PPP1R12B: variants seen among roughly 807,000 people sequenced by gnomAD.
PPP1R12B encodes the protein protein phosphatase 1 regulatory subunit 12B.
Under a neutral mutation model 126.1 loss-of-function variants are expected in PPP1R12B, and 76 were observed. The observed-to-expected ratio is 0.60, with a 90% CI of 0.50 to 0.73. The LOEUF is 0.73. PPP1R12B is among the 30% of genes least tolerant of loss of function. The pLI, the probability that PPP1R12B is intolerant of heterozygous loss-of-function variation, is 0.00. For synonymous variants in PPP1R12B, 356 were observed against 434.7 expected (o/e 0.82, Z 2.25); for missense variants, 1,052 against 1,205.1 (o/e 0.87, Z 1.88).
rs571242990 is a variant in PPP1R12B, at chr1:202,438,327, C to T, written c.1458+303C>T. On this transcript the variant is annotated intron_variant, in intron 10 of 23. Transcript: ENST00000608999. ...CAGCAACATAAAAATTTCAGTATGG[C>T]GGAGGGGGGCACAGGACCCCAGGTA... 1.7e-4 allele frequency: 217 copies of T among 1,296,654 alleles called. No individual in the cohort carries two copies. In the Admixed American group the frequency reaches 3.5e-3, roughly 21 times the overall value. The allele number at this position is 1,296,654 out of a possible 1,614,324, so 80.3% of individuals were successfully genotyped here. A position where few individuals can be genotyped will look rare whatever the true frequency, so the allele number is the denominator to read the frequency against.
At chr1:202,350,632 T>C (rs2148358616) in intron 1 of PPP1R12B, among the ~76,000 whole-genome samples, 1 of 152,050 alleles carries the variant, frequency 6.6e-6, no homozygotes, top group African/African-American at 2.4e-5. Context: ...TTTCTTTTTT[T>C]TTTTTTGATT....
intron 1 of PPP1R12B, among the ~76,000 whole-genome samples, chr1:202,357,982 T>C (rs779836260): frequency 6.6e-6 from 1 of 152,140 alleles, no homozygotes; most frequent in Admixed American, 6.5e-5. Flanking sequence ...TTGAGGAGTG[T>C]CAGGGGAGTA....
At position 202,440,718 on chromosome 1, in the gene PPP1R12B, A is replaced by G. The variant is rs201801874; in HGVS notation, c.1471A>G (p.Lys491Glu). 508 of 1,613,218 alleles carry G rather than the reference A, an allele frequency of 3.1e-4. 8 individuals are homozygous for G. In the South Asian group the frequency reaches 4.7e-3, roughly 15 times the overall value. The change falls in exon 11 of 24, where the codon AAA (lysine) becomes GAA (glutamate). Residue 491 changes from lysine (K) to glutamate (E), a missense_variant. By Grantham distance (56) the Lys-to-Glu change is moderately conservative. Coordinates refer to ENST00000608999, the MANE Select transcript of PPP1R12B (RefSeq NM_002481.4). ...TTTTATTTTACAGGAGAGAGAAAAC[A>G]AAAGCTATATTAGTTCACTAGCACC... is the stretch of plus-strand genomic sequence containing the variant. ...LDNKDKERENKSYISSLAPRK... is the reference protein window; with the variant it reads ...LDNKDKERENESYISSLAPRK...
chr1:202,564,578 A>G, intron 21 of PPP1R12B, 31 bp downstream of exon 21: 1 of 1,555,126 alleles, frequency 6.4e-7, no homozygotes, highest in East Asian at 2.2e-5. Context: ...AAAAGATGAG[A>G]ACCAAGGGTT....
intron 13 of PPP1R12B, among the ~76,000 whole-genome samples, chr1:202,452,726 T>C (rs1338309797): frequency 2.6e-5 from 4 of 152,222 alleles, no homozygotes; most frequent in African/African-American, 7.2e-5. Flanking sequence ...TCAGTTCTAA[T>C]AGTTTTTTTG....
intron 1 of PPP1R12B, among the ~76,000 whole-genome samples, chr1:202,356,262 G>A (rs1009227489): frequency 1.3e-5 from 2 of 152,116 alleles, no homozygotes; most frequent in African/African-American, 4.8e-5. Context: ...TCCTATCTAT[G>A]CTCCAGTTTT....
intron 18 of PPP1R12B, among the ~76,000 whole-genome samples, chr1:202,542,107 T>A (rs1238865832): frequency 2.6e-5 from 4 of 152,234 alleles, no homozygotes; most frequent in Non-Finnish European, 5.9e-5. Flanking sequence ...CAAGACTCAT[T>A]TGGTGGCTGC....
intron 1 of PPP1R12B, among the ~76,000 whole-genome samples, chr1:202,360,011 T>C (rs1327144203): frequency 6.6e-6 from 1 of 152,092 alleles, no homozygotes; most frequent in African/African-American, 2.4e-5. Context: ...TTCCTCCTCA[T>C]TTTTTTTCTC....
intron 18 of PPP1R12B, among the ~76,000 whole-genome samples, chr1:202,505,774 T>A (rs1680738834): frequency 6.6e-6 from 1 of 152,204 alleles, no homozygotes; most frequent in Non-Finnish European, 1.5e-5. Context: ...ATCTATTTTT[T>A]AAGCAAGCCT....
chr1:202,531,331 A>T (rs1214045744), intron 18 of PPP1R12B, among the ~76,000 whole-genome samples: 1 of 152,206 alleles, frequency 6.6e-6, no homozygotes, highest in East Asian at 1.9e-4. Flanking sequence ...TTTGTTTAGT[A>T]TGAGATCAAA....
At chr1:202,438,539 G>T in intron 10 of PPP1R12B, 1 of 420,882 alleles carries the variant, frequency 2.4e-6, no homozygotes. Flanking sequence ...CCCCCGCTGG[G>T]CATGGGACAG....
At chr1:202,463,395 T>A (rs191803688) in intron 13 of PPP1R12B, among the ~76,000 whole-genome samples, 1 of 152,328 alleles carries the variant, frequency 6.6e-6, no homozygotes, top group East Asian at 1.9e-4. Flanking sequence ...GAATTGGCAC[T>A]GTTATTCTTA....
chr1:202,479,130 G>A (rs1677036168), intron 13 of PPP1R12B, among the ~76,000 whole-genome samples: 1 of 152,128 alleles, frequency 6.6e-6, no homozygotes, highest in Non-Finnish European at 1.5e-5. Flanking sequence ...TTCACTCAGA[G>A]GCGAGGAATA....
At chr1:202,370,629 C>T (rs1190192959) in intron 1 of PPP1R12B, among the ~76,000 whole-genome samples, 3 of 152,024 alleles carry the variant, frequency 2.0e-5, no homozygotes, top group Non-Finnish European at 4.4e-5. Context: ...CTCCGCCTCC[C>T]GGGTTCAAGC....
At chr1:202,423,072 T>C (rs1328564192) in intron 3 of PPP1R12B, among the ~76,000 whole-genome samples, 1 of 152,182 alleles carries the variant, frequency 6.6e-6, no homozygotes, top group African/African-American at 2.4e-5. Flanking sequence ...AATTTGAGAA[T>C]TGGCTAAACT....
intron 1 of PPP1R12B, among the ~76,000 whole-genome samples, chr1:202,368,393 A>G (rs936728989): frequency 1.3e-5 from 2 of 152,330 alleles, no homozygotes; most frequent in East Asian, 1.9e-4. Flanking sequence ...AGGCCTCCCC[A>G]GGAGCCAAGC....
chr1:202,439,203 C>T lies in PPP1R12B; in HGVS notation c.1458+1179C>T. 2.7e-6 allele frequency: 4 copies of T among 1,468,008 alleles called. No individual in the cohort carries two copies. In the Admixed American group the frequency reaches 5.0e-5, roughly 18 times the overall value. The allele number at this position is 1,468,008 out of a possible 1,614,324, so 90.9% of individuals were successfully genotyped here. A position where few individuals can be genotyped will look rare whatever the true frequency, so the allele number is the denominator to read the frequency against. ...CTGAAGCTCGACCACTACTGCGCAG[C>T]CCTGTGCTCCTGCAGCCTCGTTGGA... On this transcript the variant is annotated intron_variant, in intron 10 of 23. Transcript: ENST00000608999.
At position 202,349,117 on chromosome 1, in the gene PPP1R12B, T is replaced by TG; in HGVS notation, c.268dup (p.Asp90GlyfsTer12). ...GGTGCTGATATCAACACGGTCAACGTGGACGGCTTGACAGCCCTGCACCAG... is the reference window on the plus strand; with the variant it reads ...GGTGCTGATATCAACACGGTCAACGTGGGACGGCTTGACAGCCCTGCACCAG... On this transcript the variant is annotated frameshift_variant, in exon 1 of 24. Coordinates refer to ENST00000608999, the MANE Select transcript of PPP1R12B (RefSeq NM_002481.4). LOFTEE classifies it high-confidence loss of function. 1 of 1,614,044 alleles carries TG rather than the reference T, an allele frequency of 6.2e-7. No homozygotes were observed. The highest frequency in any genetic ancestry group is 8.5e-7 in the Non-Finnish European group (1 of 1,180,038).
At chr1:202,480,772 C>T (rs1348948253) in intron 13 of PPP1R12B, among the ~76,000 whole-genome samples, 1 of 152,036 alleles carries the variant, frequency 6.6e-6, no homozygotes, top group African/African-American at 2.4e-5. Context: ...TACAAATGCA[C>T]CAATATTTTA....
Sources: allele counts gnomAD v4.1 joint callset (sites outside exome capture counted in the v4.1 genomes callset), GRCh38; gene constraint gnomAD v4.1.1; transcripts MANE v1.5; gene names NCBI Gene and HGNC (gene_info 2026-07-23, HGNC 2026-07-21).